Variants in ATL2 observed in about 807,000 individuals in gnomAD.
The protein encoded by ATL2 is atlastin GTPase 2.
Under a neutral mutation model 73.9 loss-of-function variants are expected in ATL2, and 31 were observed. That is an observed-to-expected ratio of 0.42 (90% confidence interval 0.32 to 0.57). ATL2 has a LOEUF of 0.57. ATL2 is among the 20% of genes least tolerant of loss of function. The pLI is 0.14. For synonymous variants in ATL2, 291 were observed against 237.5 expected (o/e 1.23, Z -2.07); for missense variants, 738 against 702.6 (o/e 1.05, Z -0.57).
intron 2 of ATL2, among the ~76,000 whole-genome samples, chr2:38,335,371 A>G (rs769030867): frequency 2.6e-5 from 4 of 152,220 alleles, no homozygotes; most frequent in Non-Finnish European, 5.9e-5. Flanking sequence ...GTAAATTATG[A>G]CATATTCATC....
intron 2 of ATL2, among the ~76,000 whole-genome samples, chr2:38,340,277 T>G (rs1573526207): frequency 6.6e-6 from 1 of 151,294 alleles, no homozygotes; most frequent in Admixed American, 6.6e-5. Context: ...TATGTAAAAT[T>G]TCATCAAGCT....
intron 1 of ATL2, among the ~76,000 whole-genome samples, chr2:38,349,273 C>G (rs1325509877): frequency 7.9e-5 from 12 of 152,136 alleles, no homozygotes; most frequent in African/African-American, 2.7e-4. Context: ...GGAACCAACC[C>G]AAACGTCCAT....
chr2:38,296,222 G>C (rs1026844186), intron 12 of ATL2, 109 bp from the exon 13 acceptor site: 1 of 1,423,538 alleles, frequency 7.0e-7, no homozygotes, highest in East Asian at 2.5e-5. Context: ...AAATAACCAG[G>C]AATATGGGAA....
intron 9 of ATL2, chr2:38,300,561 C>CTTTTATA: frequency 5.5e-6 from 2 of 360,578 alleles, no homozygotes; most frequent in Non-Finnish European, 9.9e-6. Flanking sequence ...AAAGTTATAA[C>CTTTTATA]TCAAAGTTAG....
rs1471124765 is a variant in ATL2 at position 38,299,127 on chromosome 2, G to T, written c.1200+129C>A. The T allele has an allele frequency of 5.2e-6, 4 of 762,002 alleles. No homozygotes were observed. In the East Asian group the frequency reaches 1.1e-4, roughly 20 times the overall value. The allele number at this position is 762,002 out of a possible 1,614,324, so 47.2% of individuals were successfully genotyped here. A position where few individuals can be genotyped will look rare whatever the true frequency, so the allele number is the denominator to read the frequency against. Reference sequence around the variant, plus strand: ...TTATTTCCAGCAAAGACCATAAAGGGGAATTAGGGAATAATGTACCATAAG... The same window carrying T: ...TTATTTCCAGCAAAGACCATAAAGGTGAATTAGGGAATAATGTACCATAAG... On this transcript the variant is annotated intron_variant, in intron 11 of 12. Transcript: ENST00000378954.
chr2:38,377,782 C>A (rs1024354679), upstream of ATL2, among the ~76,000 whole-genome samples: 3 of 151,770 alleles, frequency 2.0e-5, no homozygotes, highest in African/African-American at 4.8e-5. Context: ...CCATCCACCC[C>A]CCAAGTTGTT....
intron 1 of ATL2, among the ~76,000 whole-genome samples, chr2:38,362,722 C>A (rs1172301964): frequency 6.6e-6 from 1 of 152,154 alleles, no homozygotes; most frequent in Non-Finnish European, 1.5e-5. Context: ...TTAAGAACAA[C>A]AACAAAAATC....
At chr2:38,346,206 C>T (rs551184799) in intron 1 of ATL2, among the ~76,000 whole-genome samples, 1 of 152,290 alleles carries the variant, frequency 6.6e-6, no homozygotes, top group South Asian at 2.1e-4. Context: ...ATTTCTGAAT[C>T]TCTATTGATA....
intron 2 of ATL2, among the ~76,000 whole-genome samples, chr2:38,324,216 T>G (rs1422219528): frequency 6.6e-6 from 1 of 152,088 alleles, no homozygotes; most frequent in Non-Finnish European, 1.5e-5. Context: ...AGGCGGAGGA[T>G]GCGATGAGCC....
chr2:38,358,581 A>C, intron 1 of ATL2: 1 of 311,928 alleles, frequency 3.2e-6, no homozygotes, highest in Non-Finnish European at 6.7e-6. Flanking sequence ...AGTCCCAGAT[A>C]CTCAGGAGGC....
At chr2:38,364,644 C>G (rs1355174630) in intron 1 of ATL2, among the ~76,000 whole-genome samples, 3 of 152,206 alleles carry the variant, frequency 2.0e-5, no homozygotes, top group Admixed American at 2.0e-4. Flanking sequence ...TACAATGACT[C>G]TAAGAGCTCC....
At chr2:38,296,268 C>T (rs1004212948) in intron 12 of ATL2, 155 bp from the exon 13 acceptor site, 22 of 1,437,190 alleles carry the variant, frequency 1.5e-5, no homozygotes, top group Non-Finnish European at 1.9e-5. Flanking sequence ...ACTTATGATG[C>T]TACTAGACAT....
At chr2:38,339,368 C>G (rs369702094) in intron 2 of ATL2, among the ~76,000 whole-genome samples, 1 of 151,954 alleles carries the variant, frequency 6.6e-6, no homozygotes, top group Admixed American at 6.6e-5. Flanking sequence ...CTGCAGAAGC[C>G]GGAACGAAGT....
intron 1 of ATL2, among the ~76,000 whole-genome samples, chr2:38,360,050 A>C (rs1433343026): frequency 1.3e-5 from 2 of 151,390 alleles, no homozygotes; most frequent in East Asian, 3.9e-4. Flanking sequence ...GAATCACTTG[A>C]ACCTGGGAGG....
At position 38,316,049 on chromosome 2, in the gene ATL2, C is replaced by T. The variant is rs199514865; in HGVS notation, c.604-715G>A. ...AGACAGATCTTTAGACAGTAATCTA[C>T]ACTGCCACAGGAGAAAAGTGGCCAT... On this transcript the variant is annotated intron_variant, in intron 4 of 12. Transcript: ENST00000378954. Among the ~76,000 whole-genome samples, 4 of 152,192 alleles carry T rather than the reference C, an allele frequency of 2.6e-5. No homozygotes were observed. In the East Asian group the frequency reaches 5.8e-4, roughly 22 times the overall value.
At chr2:38,370,936 C>G (rs897184890) in intron 1 of ATL2, among the ~76,000 whole-genome samples, 5 of 148,882 alleles carry the variant, frequency 3.4e-5, no homozygotes, top group Non-Finnish European at 5.9e-5. Context: ...CCAGCCTGTG[C>G]AACAAGGCTA....
Position 38,339,086 on chromosome 2 carries a change from G to A in ATL2, c.363+4182C>T, listed in dbSNP as rs144461257. Among the ~76,000 whole-genome samples the A allele has an allele frequency of 5.4e-3, 823 of 152,098 alleles. 12 individuals carry two copies. The highest frequency in any genetic ancestry group is 0.018 in the African/African-American group (768 of 41,538). ...CAAAAATTAGCTGTGTGTGGTGGCA[G>A]GCACCTGTAATCCCAGCTACTCAGG... is the stretch of plus-strand genomic sequence containing the variant. On this transcript the variant is annotated intron_variant, in intron 2 of 12. Transcript: ENST00000378954.
In ATL2 at chr2:38,295,002, C is replaced by CGG. The variant is rs879097426; in HGVS notation, c.*990_*991dup. ...ATTCCCATTGAATTCCCTTGGTGGGCGGGGGGGGGGTGAGATTGCAGTGCT... is the reference window on the plus strand; with the variant it reads ...ATTCCCATTGAATTCCCTTGGTGGGCGGGGGGGGGGGGTGAGATTGCAGTGCT... On this transcript the variant is annotated 3_prime_UTR_variant, in exon 13 of 13. Transcript: ENST00000378954. 190 of 29,226 alleles carry CGG rather than the reference C, an allele frequency of 6.5e-3. No homozygotes were observed. The highest frequency in any genetic ancestry group is 0.015 in the East Asian group (8 of 530). 1.8% of individuals were successfully genotyped at this position (29,226 alleles called of 1,614,324 possible). A position where few individuals can be genotyped will look rare whatever the true frequency, so the allele number is the denominator to read the frequency against.
chr2:38,319,088 A>G (rs1558404373), intron 2 of ATL2, 69 bp from the exon 3 acceptor site: 1 of 1,514,780 alleles, frequency 6.6e-7, no homozygotes, highest in Non-Finnish European at 9.0e-7. Flanking sequence ...AAAATCACCC[A>G]TTCTTTATTT....
Sources: gnomAD v4.1 joint callset for allele counts (sites outside exome capture counted in the v4.1 genomes callset) on GRCh38, gnomAD v4.1.1 for gene constraint, MANE v1.5 for transcripts, NCBI Gene and HGNC (gene_info 2026-07-23, HGNC 2026-07-21) for gene names.